The following EXOC4 variants were observed in gnomAD, a reference collection of about 807,000 sequenced individuals.
EXOC4 encodes exocyst complex component 4.
In EXOC4, 71 loss-of-function variants were observed where a neutral mutation model predicts 107.2. The observed-to-expected ratio is 0.66, with a 90% confidence interval of 0.55 to 0.81. The LOEUF (loss-of-function observed/expected upper bound fraction) is 0.81, where lower values mean the gene tolerates loss of function less well. Among genes scored for constraint, EXOC4 ranks in the 30% least tolerant of loss-of-function variants. EXOC4 has a pLI of 0.00. For synonymous variants in EXOC4, 456 were observed against 441.2 expected, an observed-to-expected ratio of 1.03 and a Z score of -0.42; for missense variants, 1,108 against 1,189.6, an observed-to-expected ratio of 0.93 and a Z score of 1.01.
chr7:133,287,593 A>G (rs1584780364), intron 2 of EXOC4, among the ~76,000 whole-genome samples: 1 of 152,156 alleles, frequency 6.6e-6, no homozygotes, highest in Non-Finnish European at 1.5e-5. Context: ...GATTACAGGC[A>G]TGAGCCACTG....
At chr7:133,642,947 G>T (rs895099260) in intron 10 of EXOC4, among the ~76,000 whole-genome samples, 1 of 152,062 alleles carries the variant, frequency 6.6e-6, no homozygotes, top group South Asian at 2.1e-4. Context: ...AAGAATCAGC[G>T]CATGTATCCC....
intron 10 of EXOC4, among the ~76,000 whole-genome samples, chr7:133,804,814 G>A (rs1254815761): frequency 6.6e-6 from 1 of 152,146 alleles, no homozygotes; most frequent in Non-Finnish European, 1.5e-5. Context: ...GTTTAACATA[G>A]TACATGCATC....
At chr7:133,584,105 A>T (rs1242374607) in intron 9 of EXOC4, among the ~76,000 whole-genome samples, 1 of 152,138 alleles carries the variant, frequency 6.6e-6, no homozygotes, top group Non-Finnish European at 1.5e-5. Context: ...AAGAGCTCAG[A>T]TTTGGATTTG....
chr7:134,004,958 T>G lies in EXOC4; in HGVS notation c.2395T>G (p.Tyr799Asp), dbSNP rs755208350. ...YLIPLAKEGN[Y>D]AIVANVESMD... The stretch of plus-strand genomic sequence containing the variant: ...TATCCCTCTTGCAAAGGAGGGGAAC[T>G]ATGCCATTGTGGCTAATGTGGAAAG... Residue 799 changes from tyrosine (Y) to aspartate (D), a missense_variant, in exon 16 of 18, where the codon TAT becomes GAT. By Grantham distance (160) the Tyr-to-Asp change is radical (BLOSUM62 -3). Coordinates refer to ENST00000253861, the MANE Select transcript of EXOC4 (RefSeq NM_021807.4). 1 of 1,613,580 alleles carries G rather than the reference T, an allele frequency of 6.2e-7. No individual in the cohort carries two copies. The highest frequency in any genetic ancestry group is 1.7e-5 in the Admixed American group (1 of 59,956).
At chr7:133,727,671 C>CG (rs1410771939) in intron 10 of EXOC4, 1 of 153,064 alleles carries the variant, frequency 6.5e-6, no homozygotes, top group Non-Finnish European at 1.5e-5. Flanking sequence ...GAGCGCACTG[C>CG]GGTCGCCCAC....
intron 5 of EXOC4, among the ~76,000 whole-genome samples, chr7:133,332,717 G>A (rs1182484506): frequency 6.6e-6 from 1 of 152,202 alleles, no homozygotes; most frequent in Admixed American, 6.5e-5. Context: ...AGATTCAACA[G>A]TTATTTGCCC....
intron 7 of EXOC4, among the ~76,000 whole-genome samples, chr7:133,444,070 G>C (rs559883118): frequency 1.3e-5 from 2 of 152,274 alleles, no homozygotes; most frequent in South Asian, 4.1e-4. Context: ...CTGAAAACCA[G>C]GTCCTCATAA....
intron 10 of EXOC4, 155 bp downstream of exon 10, chr7:133,630,296 C>A (rs967337737): frequency 1.2e-5 from 7 of 575,114 alleles, no homozygotes; most frequent in Non-Finnish European, 2.2e-5. Context: ...GTCAGTTTAG[C>A]AGATAATCTC....
intron 10 of EXOC4, among the ~76,000 whole-genome samples, chr7:133,708,902 A>G (rs1285991013): frequency 6.6e-6 from 1 of 152,196 alleles, no homozygotes; most frequent in Admixed American, 6.5e-5. Context: ...GTCTCCTTCC[A>G]TGGTCACACT....
chr7:134,030,347 A>C (rs1034165842), intron 17 of EXOC4, among the ~76,000 whole-genome samples: 1 of 152,238 alleles, frequency 6.6e-6, no homozygotes, highest in African/African-American at 2.4e-5. Context: ...ATCAATGATG[A>C]GTGGATAAAC....
At chr7:133,709,227 G>A (rs1035756471) in intron 10 of EXOC4, among the ~76,000 whole-genome samples, 1 of 152,198 alleles carries the variant, frequency 6.6e-6, no homozygotes, top group African/African-American at 2.4e-5. Flanking sequence ...TGCCAAGGTG[G>A]ACATTGATGG....
chr7:133,653,709 C>A (rs2066924), intron 10 of EXOC4, among the ~76,000 whole-genome samples: 64,964 of 151,994 alleles, frequency 0.43, 14,849 homozygotes, highest in Admixed American at 0.57. Flanking sequence ...AAAGGTAAGC[C>A]TGACTTTATG....
chr7:133,521,858 A>G (rs1277251286), intron 9 of EXOC4, among the ~76,000 whole-genome samples: 1 of 152,056 alleles, frequency 6.6e-6, no homozygotes, highest in Non-Finnish European at 1.5e-5. Flanking sequence ...TGACCTCGTG[A>G]TCCGCCTGCC....
At chr7:133,352,780 C>A (rs1366976754) in intron 5 of EXOC4, among the ~76,000 whole-genome samples, 1 of 151,680 alleles carries the variant, frequency 6.6e-6, no homozygotes, top group Non-Finnish European at 1.5e-5. Context: ...TGTTTAAATT[C>A]CTTTCTCATT....
chr7:133,381,605 A>G (rs1276901317), intron 7 of EXOC4, among the ~76,000 whole-genome samples: 1 of 152,184 alleles, frequency 6.6e-6, no homozygotes, highest in Non-Finnish European at 1.5e-5. Flanking sequence ...GGATCTGATG[A>G]AAAGCTTGGA....
intron 9 of EXOC4, among the ~76,000 whole-genome samples, chr7:133,605,108 G>C (rs886574217): frequency 6.6e-6 from 1 of 152,050 alleles, no homozygotes; most frequent in Non-Finnish European, 1.5e-5. Flanking sequence ...ATTCATGTAG[G>C]AATGAAAGAG....
intron 17 of EXOC4, among the ~76,000 whole-genome samples, chr7:134,033,193 T>A (rs74405321): frequency 6.6e-6 from 1 of 151,902 alleles, no homozygotes; most frequent in Non-Finnish European, 1.5e-5. Context: ...AAAAAAAAAA[T>A]GTCAGAGTGC....
intron 7 of EXOC4, among the ~76,000 whole-genome samples, chr7:133,413,709 T>G (rs962008012): frequency 1.5e-4 from 23 of 152,132 alleles, no homozygotes; most frequent in African/African-American, 5.6e-4. Context: ...TCATTCATAT[T>G]TGCACTATAG....
intron 5 of EXOC4, among the ~76,000 whole-genome samples, chr7:133,325,441 A>G (rs970684770): frequency 1.3e-5 from 2 of 152,138 alleles, no homozygotes; most frequent in Non-Finnish European, 2.9e-5. Context: ...GCTTGTCTGT[A>G]AAGGATTTTA....
Sources: gnomAD v4.1 joint callset for allele counts (sites outside exome capture counted in the v4.1 genomes callset) on GRCh38, gnomAD v4.1.1 for gene constraint, MANE v1.5 for transcripts, NCBI Gene and HGNC (gene_info 2026-07-23, HGNC 2026-07-21) for gene names.